ZBTB34: variants seen among roughly 807,000 people sequenced by gnomAD.
ZBTB34 encodes the protein zinc finger and BTB domain containing 34, also known as zinc finger and BTB domain-containing protein 34.
A neutral mutation model predicts 33.4 loss-of-function variants in ZBTB34; 1 was observed. The observed-to-expected ratio is 0.03, with a 90% confidence interval of 0.01 to 0.14. The LOEUF is 0.14. ZBTB34 is among the 10% of genes least tolerant of loss of function. The pLI is 1.00. For synonymous variants in ZBTB34, 283 were observed against 253.5 expected, an observed-to-expected ratio of 1.12 and a Z score of -1.11; for missense variants, 406 against 657.2, an observed-to-expected ratio of 0.62 and a Z score of 4.18.
intron 1 of ZBTB34, among the ~76,000 whole-genome samples, 198 bp downstream of exon 1, chr9:126,860,937 G>T (rs908367086): frequency 4.0e-5 from 6 of 150,834 alleles, no homozygotes; most frequent in African/African-American, 1.5e-4. Flanking sequence ...GGGTCCGGAG[G>T]CCCCGGGCAC....
intron 1 of ZBTB34, among the ~76,000 whole-genome samples, chr9:126,875,298 A>T (rs1588389531): frequency 6.6e-6 from 1 of 152,212 alleles, no homozygotes; most frequent in East Asian, 1.9e-4. Flanking sequence ...AACTACTAGA[A>T]AGCATTAAAT....
In ZBTB34 at chr9:126,880,942, G is replaced by A. The variant is rs1275057988; in HGVS notation, c.*28G>A. ...TGGTAAAGAAGTGCACCCAAACAAA[G>A]CACATTAATCAATGCATATTTGTGA... On this transcript the variant is annotated 3_prime_UTR_variant, in exon 2 of 2. Transcript: ENST00000319119. This position sits in a 1 kb window ranked among gnomAD's most constrained non-coding sequence, Gnocchi z 6.7. 3 of 1,579,106 alleles carry A rather than the reference G, an allele frequency of 1.9e-6. No homozygotes were observed. The highest frequency in any genetic ancestry group is 1.1e-5 in the South Asian group (1 of 87,704).
At chr9:126,861,412 C>T (rs995270066) in intron 1 of ZBTB34, among the ~76,000 whole-genome samples, 3 of 152,222 alleles carry the variant, frequency 2.0e-5, no homozygotes, top group Admixed American at 6.5e-5. Flanking sequence ...GAGTCTCTGT[C>T]TTGAGGCCTT....
exon 2 of ZBTB34, chr9:126,883,086 C>T (rs531937759): frequency 2.4e-5 from 4 of 166,788 alleles, no homozygotes; most frequent in African/African-American, 7.2e-5. Flanking sequence ...GTTAAAGCCG[C>T]GTGCCTCAAG....
At chr9:126,878,438 C>G (rs1041644887) in intron 1 of ZBTB34, among the ~76,000 whole-genome samples, 3 of 151,766 alleles carry the variant, frequency 2.0e-5, no homozygotes, top group Non-Finnish European at 2.9e-5. Context: ...CCACTGCACT[C>G]CAGCCTGTGC....
chr9:126,876,117 G>A (rs950055730), intron 1 of ZBTB34, among the ~76,000 whole-genome samples: 2 of 136,594 alleles, frequency 1.5e-5, no homozygotes, highest in Non-Finnish European at 3.1e-5. Flanking sequence ...ATGCATTTTG[G>A]GAAATGCAGA....
chr9:126,874,623 G>A (rs1031710181), intron 1 of ZBTB34, among the ~76,000 whole-genome samples: 3 of 151,998 alleles, frequency 2.0e-5, no homozygotes, highest in East Asian at 1.9e-4. Flanking sequence ...GAAATGGCCC[G>A]TGAGGCCATC....
chr9:126,862,925 T>C (rs1432844689), intron 1 of ZBTB34, among the ~76,000 whole-genome samples: 1 of 152,152 alleles, frequency 6.6e-6, no homozygotes, highest in Admixed American at 6.5e-5. Flanking sequence ...CTTTTTTTTT[T>C]TTTAAGGAGA....
exon 2 of ZBTB34, chr9:126,881,059 G>A (rs1245843582): frequency 2.2e-5 from 21 of 942,822 alleles, no homozygotes; most frequent in African/African-American, 1.3e-4. Flanking sequence ...GGAACACTTC[G>A]TTGTGTTTAT....
chr9:126,884,501 G>C (rs1431793090), exon 2 of ZBTB34: 4 of 166,594 alleles, frequency 2.4e-5, no homozygotes, highest in Non-Finnish European at 4.4e-5. Flanking sequence ...TTTTTAAACA[G>C]CAGAAAGGAT....
In ZBTB34 at chr9:126,884,296, T is replaced by TA. The variant is rs899101514; in HGVS notation, c.*3383dup. The TA allele has an allele frequency of 3.6e-5, 6 of 167,058 alleles. 1 individual carries two copies. Among genetic ancestry groups the TA allele is most frequent in the Non-Finnish European group, 2.9e-5 (2 of 68,128 alleles). 10.3% of individuals were successfully genotyped at this position (167,058 alleles called of 1,614,324 possible). Reference sequence around the variant, plus strand: ...ACTAATGTTTGTGGTTTTAAACAGTTATTTTCATTCTAATCAGTTCTCTAC... The same window carrying TA: ...ACTAATGTTTGTGGTTTTAAACAGTTAATTTTCATTCTAATCAGTTCTCTAC... On this transcript the variant is annotated 3_prime_UTR_variant, in exon 2 of 2. Coordinates refer to ENST00000319119, the Ensembl canonical transcript of ZBTB34.
At chr9:126,876,704 A>G (rs2033368269) in intron 1 of ZBTB34, among the ~76,000 whole-genome samples, 1 of 152,210 alleles carries the variant, frequency 6.6e-6, no homozygotes, top group African/African-American at 2.4e-5. Flanking sequence ...TGCATCTAGA[A>G]CAGTGTGAAC....
chr9:126,865,067 G>A (rs1017488626), intron 1 of ZBTB34, among the ~76,000 whole-genome samples: 1 of 152,172 alleles, frequency 6.6e-6, no homozygotes, highest in Admixed American at 6.5e-5. Flanking sequence ...TTCCAAATTT[G>A]TAACTTTCCT....
chr9:126,885,212 A>G (rs1290515317), exon 2 of ZBTB34: 1 of 167,070 alleles, frequency 6.0e-6, no homozygotes, highest in East Asian at 1.9e-4. Flanking sequence ...TCGGCCCGGA[A>G]GAGAACCTGC....
intron 1 of ZBTB34, among the ~76,000 whole-genome samples, chr9:126,869,797 A>G (rs1273872032): frequency 1.3e-5 from 2 of 152,192 alleles, no homozygotes; most frequent in Non-Finnish European, 2.9e-5. Context: ...AAGAAATTGA[A>G]AGAGCAGAAA....
At chr9:126,874,264 A>G (rs1588389057) in intron 1 of ZBTB34, among the ~76,000 whole-genome samples, 1 of 142,290 alleles carries the variant, frequency 7.0e-6, no homozygotes, top group African/African-American at 2.6e-5. Flanking sequence ...GTTCGCCAGG[A>G]TGGTCTCAAT....
In ZBTB34 at chr9:126,880,200, T is replaced by C. The variant is rs2033416850; in HGVS notation, c.801T>C (p.Asp267=). The change falls in exon 2 of 2, where the codon GAT becomes GAC. Residue 267 remains aspartate, a synonymous_variant. Coordinates refer to ENST00000319119, the Ensembl canonical transcript of ZBTB34. The surrounding 1 kb of genome is among the most constrained non-coding windows in gnomAD (Gnocchi z 6.7). The stretch of plus-strand genomic sequence containing the variant: ...ATGGGTACCACACCGAGATGGTTGA[T>C]GGGGAACAAGTTGTGGCAGTGAATG... 1 of 1,613,492 alleles carries C rather than the reference T, an allele frequency of 6.2e-7. No homozygotes were observed. The highest frequency in any genetic ancestry group is 8.5e-7 in the Non-Finnish European group (1 of 1,179,878).
intron 1 of ZBTB34, among the ~76,000 whole-genome samples, chr9:126,874,174 T>C (rs2033322287): frequency 6.7e-6 from 1 of 150,318 alleles, no homozygotes. Flanking sequence ...CCCGAGTAGC[T>C]GGGACTACAG....
chr9:126,880,036 T>C lies in ZBTB34; in HGVS notation c.637T>C (p.Ser213Pro). The C allele has an allele frequency of 6.2e-7, 1 of 1,613,682 alleles. No individual in the cohort carries two copies. Among genetic ancestry groups the C allele is most frequent in the Non-Finnish European group, 8.5e-7 (1 of 1,179,886 alleles). ...AGACCGCGGGAGCAGTGGGAGCGTT[T>C]CTGAATATGAGATTCAGATAGAGGG... The change falls in exon 2 of 2, where the codon TCT becomes CCT. Residue 213 changes from serine (S) to proline (P), a missense_variant. Around this residue, in one of 6 missense-constraint regions of ZBTB34, gnomAD observed 137 missense variants for 173.0 expected, o/e 0.79. Transcript: ENST00000319119. This position sits in a 1 kb window ranked among gnomAD's most constrained non-coding sequence, Gnocchi z 6.7.
Sources: allele counts gnomAD v4.1 joint callset (sites outside exome capture counted in the v4.1 genomes callset), GRCh38; gene constraint gnomAD v4.1.1; regional missense constraint gnomAD v4.1.1; non-coding constraint Gnocchi (gnomAD v3.1); transcripts MANE v1.5; gene names NCBI Gene and HGNC (gene_info 2026-07-23, HGNC 2026-07-21).